AGMO: variants seen among roughly 807,000 people sequenced by gnomAD.
The protein encoded by AGMO is glyceryl-ether monooxygenase.
Under a neutral mutation model 60.2 loss-of-function variants are expected in AGMO, and 75 were observed. That is an observed-to-expected ratio of 1.25 (90% CI 1.03 to 1.51). The LOEUF (loss-of-function observed/expected upper bound fraction) is 1.51. Among genes scored for constraint, AGMO ranks in the 40% most tolerant of loss-of-function variants. The pLI, the probability that AGMO is intolerant of heterozygous loss-of-function variation, is 0.00. For synonymous variants in AGMO, 261 were observed against 177.1 expected (o/e 1.47, Z -3.76); for missense variants, 763 against 525.5 (o/e 1.45, Z -4.42).
At chr7:15,410,005 T>C (rs868135645) in intron 5 of AGMO, among the ~76,000 whole-genome samples, 5 of 151,354 alleles carry the variant, frequency 3.3e-5, no homozygotes, top group Admixed American at 1.3e-4. Flanking sequence ...AAATAAATAA[T>C]AAATAAATAA....
intron 3 of AGMO, among the ~76,000 whole-genome samples, chr7:15,481,234 C>T (rs1202247267): frequency 1.3e-5 from 2 of 151,894 alleles, no homozygotes; most frequent in African/African-American, 2.4e-5. Context: ...TGTTTTATTG[C>T]CAGGATCCTA....
In AGMO at chr7:15,544,824, T is replaced by G. The variant is rs756187484; in HGVS notation, c.357A>C (p.Ser119=). ...LPWDSPWTWY[S]AFLGVDFGYY... ...AGCCAAAGTCAACTCCTAAGAAGGC[T>G]GAATACCAAGTCCATGGAGAATCCC... The change falls in exon 3 of 13, where the codon TCA becomes TCC. Residue 119 remains serine, a synonymous_variant. Transcript: ENST00000342526. 1 of 1,610,226 alleles carries G rather than the reference T, an allele frequency of 6.2e-7. No homozygotes were observed. The highest frequency in any genetic ancestry group is 1.1e-5 in the South Asian group (1 of 90,562).
chr7:15,212,678 A>G (rs539040739), intron 12 of AGMO, among the ~76,000 whole-genome samples: 3 of 151,964 alleles, frequency 2.0e-5, no homozygotes, highest in Non-Finnish European at 2.9e-5. Flanking sequence ...GCGATGAATC[A>G]TCTTCATCTA....
At chr7:15,367,519 C>T (rs1465116933) in intron 10 of AGMO, among the ~76,000 whole-genome samples, 1 of 151,938 alleles carries the variant, frequency 6.6e-6, no homozygotes, top group Non-Finnish European at 1.5e-5. Flanking sequence ...CATCATTACA[C>T]AGAAAGTAAA....
In AGMO at chr7:15,390,707, T is replaced by G; in HGVS notation, c.786A>C (p.Thr262=). ...AENEKVVYGL[T]HPINTFEPIK... ...TTGGTTCAAATGTATTAATGGGATG[T>G]GTTAAGCCATATACAACTTTTTCAT... is the stretch of plus-strand genomic sequence containing the variant. The change falls in exon 8 of 13, where the codon ACA becomes ACC. Residue 262 remains threonine, a synonymous_variant. Transcript: ENST00000342526. 1 of 1,611,270 alleles carries G rather than the reference T, an allele frequency of 6.2e-7. No homozygotes were observed. Among genetic ancestry groups the G allele is most frequent in the African/African-American group, 1.3e-5 (1 of 75,008 alleles).
chr7:15,196,587 T>C (rs1475734927), downstream of AGMO, among the ~76,000 whole-genome samples: 1 of 152,216 alleles, frequency 6.6e-6, no homozygotes, highest in Non-Finnish European at 1.5e-5. Flanking sequence ...CAGCTTATCA[T>C]TGCCAGAGGT....
At chr7:15,395,283 G>A (rs1407408620) in intron 5 of AGMO, among the ~76,000 whole-genome samples, 2 of 152,126 alleles carry the variant, frequency 1.3e-5, no homozygotes, top group African/African-American at 2.4e-5. Context: ...TGACAATTAT[G>A]ACATTGATAT....
At chr7:15,193,977 T>C in the AGMO span, among the ~76,000 whole-genome samples, 6 of 152,186 alleles carry the variant, frequency 3.9e-5, no homozygotes, top group African/African-American at 1.4e-4. Context: ...AATACTATTA[T>C]TTTTATGTCC....
At chr7:15,214,940 T>A (rs147804157) in intron 12 of AGMO, among the ~76,000 whole-genome samples, 1,546 of 152,194 alleles carry the variant, frequency 0.01, 10 homozygotes, top group Non-Finnish European at 0.016. Context: ...TCTCTTGCTA[T>A]TTCTAAGTGC....
chr7:15,160,504 A>G, the AGMO span, among the ~76,000 whole-genome samples: 1 of 152,094 alleles, frequency 6.6e-6, no homozygotes, highest in African/African-American at 2.4e-5. Flanking sequence ...CGATTTGTCC[A>G]TCTTTTTTTT....
At chr7:15,413,807 C>A (rs60860345) in intron 5 of AGMO, among the ~76,000 whole-genome samples, 10,485 of 151,884 alleles carry the variant, frequency 0.069, 535 homozygotes, top group African/African-American at 0.14. Context: ...GTCTGCATTA[C>A]AAAAGATGCA....
chr7:15,338,925 T>C (rs957994041), intron 12 of AGMO, among the ~76,000 whole-genome samples: 4 of 152,208 alleles, frequency 2.6e-5, no homozygotes, highest in Admixed American at 1.3e-4. Context: ...AGAAGGTTGG[T>C]TGGCAAGTGG....
intron 12 of AGMO, among the ~76,000 whole-genome samples, chr7:15,275,973 A>G (rs1783774821): frequency 6.6e-6 from 1 of 152,012 alleles, no homozygotes; most frequent in Non-Finnish European, 1.5e-5. Flanking sequence ...GGTCTTGTTT[A>G]GTCCAATTTG....
intron 3 of AGMO, among the ~76,000 whole-genome samples, chr7:15,530,746 CTA>C (rs1272179056): frequency 1.4e-5 from 2 of 139,216 alleles, no homozygotes; most frequent in African/African-American, 2.6e-5. Context: ...ATATACATTT[CTA>C]TATAGATATT....
chr7:15,322,447 T>TATATATATAA (rs1178594521), intron 12 of AGMO, among the ~76,000 whole-genome samples: 7 of 111,544 alleles, frequency 6.3e-5, no homozygotes, highest in African/African-American at 2.4e-4. Flanking sequence ...TATATATAAA[T>TATATATATAA]ATATATATAA....
chr7:15,389,914 G>T lies in AGMO; in HGVS notation c.822+757C>A, dbSNP rs532528992. 5.3e-5 allele frequency among the ~76,000 whole-genome samples: 8 copies of T among 152,278 alleles called. No homozygotes were observed. In the South Asian group the frequency reaches 1.5e-3, roughly 28 times the overall value. Reference sequence around the variant, plus strand: ...TCAACTTTCAGTGAAACTCGAAGTAGTCTGGAAAAGCTGACCCAACATGAG... The same window carrying T: ...TCAACTTTCAGTGAAACTCGAAGTATTCTGGAAAAGCTGACCCAACATGAG... On this transcript the variant is annotated intron_variant, in intron 8 of 12. Coordinates refer to ENST00000342526, the MANE Select transcript of AGMO (RefSeq NM_001004320.2).
At chr7:15,188,927 G>T in the AGMO span, among the ~76,000 whole-genome samples, 2 of 152,128 alleles carry the variant, frequency 1.3e-5, no homozygotes, top group Non-Finnish European at 2.9e-5. Context: ...GTCCAAGAGA[G>T]AATCGGAGGA....
At position 15,541,659 on chromosome 7, in the gene AGMO, G is replaced by A. The variant is rs371846476; in HGVS notation, c.409+3113C>T. Among the ~76,000 whole-genome samples, 7 of 152,194 alleles carry A rather than the reference G, an allele frequency of 4.6e-5. No homozygotes were observed. In the East Asian group the frequency reaches 1.2e-3, roughly 25 times the overall value. ...ATATCTTGGCATAGTGATAGAGATG[G>A]AATTCAAATGTTGAGAATAAACTGT... is the stretch of plus-strand genomic sequence containing the variant. On this transcript the variant is annotated intron_variant, in intron 3 of 12. Coordinates refer to ENST00000342526, the MANE Select transcript of AGMO (RefSeq NM_001004320.2).
At chr7:15,381,595 T>A (rs1389709129) in intron 10 of AGMO, among the ~76,000 whole-genome samples, 1 of 152,096 alleles carries the variant, frequency 6.6e-6, no homozygotes, top group African/African-American at 2.4e-5. Context: ...ATTAGTTCAA[T>A]CGTTGTGGAA....
Sources: gnomAD v4.1 joint callset for allele counts (sites outside exome capture counted in the v4.1 genomes callset) on GRCh38, gnomAD v4.1.1 for gene constraint, MANE v1.5 for transcripts, NCBI Gene and HGNC (gene_info 2026-07-23, HGNC 2026-07-21) for gene names.